The following SH3TC1 variants were observed in gnomAD, a reference collection of about 807,000 sequenced individuals.
The protein encoded by SH3TC1 is SH3 domain and tetratricopeptide repeat-containing protein 1.
Under a neutral mutation model 117.3 loss-of-function variants are expected in SH3TC1, and 135 were observed. The ratio of observed to expected loss-of-function variants is 1.15; its 90% CI spans 1.00 to 1.33. The LOEUF (loss-of-function observed/expected upper bound fraction) is 1.33, where lower values mean the gene tolerates loss of function less well. SH3TC1 is among the 40% of genes most tolerant of loss of function. The probability of loss-of-function intolerance (pLI) is 0.00; values close to 1 mark genes in which losing one functional copy is unlikely to be tolerated. For synonymous variants in SH3TC1, 898 were observed against 816.9 expected (o/e 1.10, Z -1.69); for missense variants, 2,092 against 1,794.3 (o/e 1.17, Z -3.00).
Position 8,232,089 on chromosome 4 carries a change from G to C in SH3TC1, c.3064G>C (p.Asp1022His). ...LQLSLACKVA[D>H]KVLEGQLLET... is the part of the protein sequence containing the mutation. ...GCTCTCCCTGGCCTGCAAGGTGGCCGACAAGGTGCTGGAGGGGCAGCTCCT... is the reference window on the plus strand; with the variant it reads ...GCTCTCCCTGGCCTGCAAGGTGGCCCACAAGGTGCTGGAGGGGCAGCTCCT... The change falls in exon 13 of 18, where the codon GAC becomes CAC. Residue 1022 changes from aspartate (D) to histidine (H), a missense_variant. Physicochemically the swap from Asp to His is moderately conservative, Grantham distance 81. Coordinates refer to ENST00000245105, the MANE Select transcript of SH3TC1 (RefSeq NM_018986.5). 2 of 1,612,836 alleles carry C rather than the reference G, an allele frequency of 1.2e-6. No homozygotes were observed. Among genetic ancestry groups the C allele is most frequent in the Admixed American group, 1.7e-5 (1 of 59,996 alleles).
At chr4:8,203,182 C>T (rs560665123) in intron 1 of SH3TC1, among the ~76,000 whole-genome samples, 4 of 152,208 alleles carry the variant, frequency 2.6e-5, no homozygotes, top group South Asian at 4.1e-4. Flanking sequence ...GAGAGCAGTG[C>T]GGGGAGGGAG....
At chr4:8,204,800 C>T (rs1195737206) in intron 1 of SH3TC1, 7 of 172,210 alleles carry the variant, frequency 4.1e-5, no homozygotes, top group Non-Finnish European at 8.6e-5. Context: ...AGCACTGTTC[C>T]GGGAGCACGG....
At chr4:8,231,891 C>G in intron 12 of SH3TC1, 85 bp from the exon 13 acceptor site, 11 of 1,495,946 alleles carry the variant, frequency 7.4e-6, no homozygotes, top group Non-Finnish European at 1.0e-5. Context: ...GTGAAAGAGG[C>G]AAGCACACCG....
In SH3TC1 at chr4:8,209,369, A is replaced by G. The variant is rs1718455083; in HGVS notation, c.173-379A>G. 6.6e-6 allele frequency among the ~76,000 whole-genome samples: 1 copy of G among 152,186 alleles called. No homozygotes were observed. The highest frequency in any genetic ancestry group is 6.5e-5 in the Admixed American group (1 of 15,286). ...AAGCGGAAGTAGAAGTGGCGGCCACAAGCCGAGGGACGTGTGCGGCCTCTT... is the reference window on the plus strand; with the variant it reads ...AAGCGGAAGTAGAAGTGGCGGCCACGAGCCGAGGGACGTGTGCGGCCTCTT... On this transcript the variant is annotated intron_variant, in intron 2 of 17. Transcript: ENST00000245105. The surrounding 1 kb of genome is among the most constrained non-coding windows in gnomAD (Gnocchi z 5.9).
chr4:8,218,896 C>T (rs924720680), intron 8 of SH3TC1, among the ~76,000 whole-genome samples: 1 of 152,040 alleles, frequency 6.6e-6, no homozygotes, highest in South Asian at 2.1e-4. Flanking sequence ...GTCTGGATGG[C>T]CTGTGCACCT....
Position 8,212,750 on chromosome 4 carries a change from C to A in SH3TC1, c.297C>A (p.Asp99Glu). The A allele has an allele frequency of 6.2e-7, 1 of 1,612,796 alleles. No individual in the cohort carries two copies. The highest frequency in any genetic ancestry group is 1.3e-5 in the African/African-American group (1 of 75,052). ...LAVRRKSRLRDPGLQQTLRGQ... is the reference protein window; with the variant it reads ...LAVRRKSRLREPGLQQTLRGQ... ...TGCGGAGGAAGAGCAGACTGCGGGACCCCGGCCTACAGCAGACCCTCCGGG... is the reference window on the plus strand; with the variant it reads ...TGCGGAGGAAGAGCAGACTGCGGGAACCCGGCCTACAGCAGACCCTCCGGG... Residue 99 changes from aspartate to glutamate, a missense_variant, in exon 4 of 18, where the codon GAC becomes GAA. By Grantham distance (45) the Asp-to-Glu change is conservative. Coordinates refer to ENST00000245105, the MANE Select transcript of SH3TC1 (RefSeq NM_018986.5).
Position 8,228,058 on chromosome 4 carries a change from C to G in SH3TC1, c.2364C>G (p.Leu788=). The stretch of plus-strand genomic sequence containing the variant: ...CAGGCCAGGCGCTGCGCGGCCCCCT[C>G]TACACCAGCTTGGCCCAGCTGTACA... The part of the protein sequence containing the change: ...PGTGQALRGP[L]YTSLAQLYSH... Residue 788 remains leucine, a synonymous_variant, in exon 12 of 18, where the codon CTC becomes CTG. Coordinates refer to ENST00000245105, the MANE Select transcript of SH3TC1 (RefSeq NM_018986.5). 1 of 1,605,624 alleles carries G rather than the reference C, an allele frequency of 6.2e-7. No homozygotes were observed. The highest frequency in any genetic ancestry group is 8.5e-7 in the Non-Finnish European group (1 of 1,175,406).
intron 4 of SH3TC1, among the ~76,000 whole-genome samples, chr4:8,213,920 TATTTTTTGTCTCTG>T (rs1718974668): frequency 6.6e-6 from 1 of 151,024 alleles, no homozygotes; most frequent in Non-Finnish European, 1.5e-5. Flanking sequence ...AACGGGGCCT[TATTTTTTGTCTCTG>T]AAATGGAGAC....
intron 12 of SH3TC1, 124 bp from the exon 13 acceptor site, chr4:8,231,852 C>A: frequency 8.5e-7 from 1 of 1,170,554 alleles, no homozygotes; most frequent in Non-Finnish European, 1.2e-6. Flanking sequence ...CAGCGGTTCC[C>A]CGCCTGTGGG....
rs1167429043 is a variant in SH3TC1 at position 8,225,728 on chromosome 4, G to A, written c.1285+512G>A. On this transcript the variant is annotated intron_variant, in intron 11 of 17. Transcript: ENST00000245105. This position sits in a 1 kb window ranked among gnomAD's most constrained non-coding sequence, Gnocchi z 5.5. ...TGTCTCTTCCCCTCACACAGGGTCCGCATGGGGAGAGCCTGGGGATGTGGA... is the reference window on the plus strand; with the variant it reads ...TGTCTCTTCCCCTCACACAGGGTCCACATGGGGAGAGCCTGGGGATGTGGA... 2.6e-5 allele frequency among the ~76,000 whole-genome samples: 4 copies of A among 152,290 alleles called. No homozygotes were observed. In the South Asian group the frequency reaches 6.2e-4, roughly 24 times the overall value.
chr4:8,206,197 C>A lies in SH3TC1; in HGVS notation c.172+831C>A. ...GGAGTGTTTTATACCTGCGATCCTG[C>A]CCTTCTGCTTGAGGGTGGAGATGGG... is the stretch of plus-strand genomic sequence containing the variant. On this transcript the variant is annotated intron_variant, in intron 2 of 17. Transcript: ENST00000245105. This position sits in a 1 kb window ranked among gnomAD's most constrained non-coding sequence, Gnocchi z 5.5. 6.4e-6 allele frequency: 1 copy of A among 155,238 alleles called. No individual in the cohort carries two copies. The highest frequency in any genetic ancestry group is 1.4e-5 in the Non-Finnish European group (1 of 70,098). The allele number at this position is 155,238 out of a possible 1,614,324, so 9.6% of individuals were successfully genotyped here. A position where few individuals can be genotyped will look rare whatever the true frequency, so the allele number is the denominator to read the frequency against.
chr4:8,236,260 C>T lies in SH3TC1; in HGVS notation c.3406-18C>T. 13 of 1,537,318 alleles carry T rather than the reference C, an allele frequency of 8.5e-6. No individual in the cohort carries two copies. The highest frequency in any genetic ancestry group is 1.1e-5 in the Non-Finnish European group (12 of 1,140,054). ...GTGGGTGCTGCGGGAAGCCTGACCC[C>T]ACCTGCCTGTGTGGCAGGACCGGGC... On this transcript the variant is annotated intron_variant, in intron 15 of 17. Transcript: ENST00000245105.
intron 4 of SH3TC1, among the ~76,000 whole-genome samples, chr4:8,213,959 C>T (rs1253532261): frequency 6.6e-6 from 1 of 152,050 alleles, no homozygotes; most frequent in African/African-American, 2.4e-5. Flanking sequence ...ATAGTACCCC[C>T]CGACACACAC....
rs564502098 is a variant in SH3TC1 at position 8,204,994 on chromosome 4, G to A, written c.-28-173G>A. The A allele has an allele frequency of 1.4e-3, 625 of 446,474 alleles. 2 individuals carry two copies. Among genetic ancestry groups the A allele is most frequent in the African/African-American group, 0.011 (543 of 49,452 alleles). 27.7% of individuals were successfully genotyped at this position (446,474 alleles called of 1,614,324 possible). ...GGGAGGGGAGGCGCAGCAGCGGTGC[G>A]GGATCACGCCCACCACAACACGGTG... On this transcript the variant is annotated intron_variant, in intron 1 of 17. Transcript: ENST00000245105.
intron 13 of SH3TC1, chr4:8,232,622 T>C (rs1721345623): frequency 7.6e-7 from 1 of 1,323,714 alleles, no homozygotes; most frequent in South Asian, 1.2e-5. Context: ...TTTCAAGGTC[T>C]CACATCCCAC....
rs1718241326 is a variant in SH3TC1 at position 8,206,757 on chromosome 4, A to G, written c.172+1391A>G. Among the ~76,000 whole-genome samples the G allele has an allele frequency of 6.6e-6, 1 of 152,216 alleles. No individual in the cohort carries two copies. The highest frequency in any genetic ancestry group is 2.4e-5 in the African/African-American group (1 of 41,448). ...GACATCAAAGGTGGCAAGAAATAGT[A>G]CAGATAATTCCATTTGCCCATACCC... On this transcript the variant is annotated intron_variant, in intron 2 of 17. Coordinates refer to ENST00000245105, the MANE Select transcript of SH3TC1 (RefSeq NM_018986.5). This position sits in a 1 kb window ranked among gnomAD's most constrained non-coding sequence, Gnocchi z 5.5.
At chr4:8,221,765 C>T (rs1296478701) in intron 9 of SH3TC1, among the ~76,000 whole-genome samples, 1 of 152,204 alleles carries the variant, frequency 6.6e-6, no homozygotes, top group Admixed American at 6.5e-5. Context: ...ACAGATCTTA[C>T]TCAGATTTTG....
chr4:8,234,436 A>C (rs1721608085), intron 14 of SH3TC1, among the ~76,000 whole-genome samples: 1 of 147,694 alleles, frequency 6.8e-6, no homozygotes, highest in Non-Finnish European at 1.5e-5. Context: ...ATCCATCCAT[A>C]CATTATCCAC....
intron 3 of SH3TC1, 142 bp from the exon 4 acceptor site, chr4:8,212,559 G>A (rs1221116593): frequency 1.2e-5 from 14 of 1,148,384 alleles, no homozygotes; most frequent in Non-Finnish European, 1.6e-5. Flanking sequence ...ATCTAAACCC[G>A]GGGCTTGGGC....
Sources: allele counts gnomAD v4.1 joint callset (sites outside exome capture counted in the v4.1 genomes callset), GRCh38; gene constraint gnomAD v4.1.1; non-coding constraint Gnocchi (gnomAD v3.1); transcripts MANE v1.5; gene names NCBI Gene and HGNC (gene_info 2026-07-23, HGNC 2026-07-21).